Variants in MYO3A observed in about 807,000 individuals in gnomAD.
The protein encoded by MYO3A is myosin IIIA, also known as myosin-IIIa.
MYO3A carries 180 observed loss-of-function variants against 192.7 expected under a neutral mutation model. The observed-to-expected ratio is 0.93, with a 90% confidence interval of 0.83 to 1.06. MYO3A has a LOEUF of 1.06. MYO3A is among the 50% of genes least tolerant of loss of function. The probability of loss-of-function intolerance (pLI) is 0.00; values close to 1 mark genes in which losing one functional copy is unlikely to be tolerated. For missense variants in MYO3A, 1,896 were observed against 1,905.0 expected (o/e 1.00, Z 0.09); for synonymous variants, 628 against 645.3 (o/e 0.97, Z 0.41).
intron 22 of MYO3A, among the ~76,000 whole-genome samples, chr10:26,146,324 T>A (rs1409683471): frequency 5.3e-5 from 8 of 152,100 alleles, no homozygotes; most frequent in African/African-American, 1.9e-4. Flanking sequence ...AAAATAAAAT[T>A]ACACAGAACT....
At chr10:26,051,322 A>T (rs1457800901) in intron 10 of MYO3A, among the ~76,000 whole-genome samples, 2 of 152,054 alleles carry the variant, frequency 1.3e-5, no homozygotes, top group African/African-American at 4.8e-5. Flanking sequence ...ATTTTTCTGA[A>T]ATAGAAGTCT....
rs569742364 is a variant in MYO3A at position 26,005,547 on chromosome 10, CTTGT to C, written c.508+8294_508+8297del. ...TTGAAGGTTGTGTAAGGGGAATATC[CTTGT>C]TTGTGGCAATTACAAACAAATATAT... On this transcript the variant is annotated intron_variant, in intron 6 of 34. Transcript: ENST00000642920. Among the ~76,000 whole-genome samples, 86 of 152,208 alleles carry C rather than the reference CTTGT, an allele frequency of 5.7e-4. No homozygotes were observed. The South Asian group carries it at 0.017, about 30-fold the overall frequency.
At position 26,070,379 on chromosome 10, in the gene MYO3A, A is replaced by T; in HGVS notation, c.1337A>T (p.Gln446Leu). Reference sequence around the variant, plus strand: ...ACTGAAAATGCTCATCTTTTAGTTCAGCAGCTGACAGTGCTTGGAAAGGTA... The same window carrying T: ...ACTGAAAATGCTCATCTTTTAGTTCTGCAGCTGACAGTGCTTGGAAAGGTA... Reference protein sequence around the residue: ...GKTENAHLLVQQLTVLGKANN... With the variant: ...GKTENAHLLVLQLTVLGKANN... The change falls in exon 14 of 35, where the codon CAG (glutamine) becomes CTG (leucine). Residue 446 changes from glutamine (Q) to leucine (L), a missense_variant. Physicochemically the swap from Gln to Leu is moderately radical, Grantham distance 113 (BLOSUM62 -2). Coordinates refer to ENST00000642920, the MANE Select transcript of MYO3A (RefSeq NM_017433.5). The T allele has an allele frequency of 6.2e-7, 1 of 1,613,164 alleles. No homozygotes were observed. Among genetic ancestry groups the T allele is most frequent in the Non-Finnish European group, 8.5e-7 (1 of 1,179,394 alleles).
At chr10:26,141,462 G>A (rs918056847) in intron 20 of MYO3A, among the ~76,000 whole-genome samples, 2 of 152,004 alleles carry the variant, frequency 1.3e-5, no homozygotes, top group African/African-American at 4.8e-5. Flanking sequence ...TCTTGAATGG[G>A]AGCCCATTGT....
chr10:25,980,018 T>C (rs566912603), intron 4 of MYO3A, among the ~76,000 whole-genome samples: 1 of 152,166 alleles, frequency 6.6e-6, no homozygotes, highest in South Asian at 2.1e-4. Context: ...GGGTGGATCA[T>C]GAGGTCAGGA....
chr10:25,957,095 T>C (rs1042774984), intron 4 of MYO3A, among the ~76,000 whole-genome samples: 3 of 152,196 alleles, frequency 2.0e-5, no homozygotes, highest in Non-Finnish European at 4.4e-5. Flanking sequence ...TATTTCACAA[T>C]GTATATGTAC....
chr10:26,113,253 C>G (rs899599348), intron 17 of MYO3A, among the ~76,000 whole-genome samples: 3 of 152,036 alleles, frequency 2.0e-5, no homozygotes, highest in African/African-American at 7.2e-5. Context: ...GGCGGATTGC[C>G]TGAGCTCAGG....
intron 26 of MYO3A, among the ~76,000 whole-genome samples, chr10:26,160,553 G>C (rs1841435562): frequency 6.6e-6 from 1 of 152,162 alleles, no homozygotes; most frequent in Non-Finnish European, 1.5e-5. Context: ...TCTGTGGCAG[G>C]AGGATCACTT....
chr10:26,140,319 G>T (rs1840074642), intron 20 of MYO3A, among the ~76,000 whole-genome samples: 1 of 152,172 alleles, frequency 6.6e-6, no homozygotes, highest in African/African-American at 2.4e-5. Flanking sequence ...TAAGCTGGTT[G>T]TTTAGGCCAA....
intron 31 of MYO3A, among the ~76,000 whole-genome samples, chr10:26,192,557 T>A (rs1156274864): frequency 6.6e-6 from 1 of 152,074 alleles, no homozygotes; most frequent in Non-Finnish European, 1.5e-5. Flanking sequence ...CCTGACCTTA[T>A]CCATCCTCTG....
intron 21 of MYO3A, among the ~76,000 whole-genome samples, chr10:26,145,163 G>A (rs920187540): frequency 2.0e-4 from 24 of 122,628 alleles, no homozygotes; most frequent in Non-Finnish European, 2.8e-4. Flanking sequence ...TGGGCAACAA[G>A]AACGAAACTC....
intron 10 of MYO3A, among the ~76,000 whole-genome samples, chr10:26,043,703 C>A (rs1220728987): frequency 6.6e-6 from 1 of 152,150 alleles, no homozygotes; most frequent in Admixed American, 6.5e-5. Context: ...TGTGACTTAG[C>A]CTTCAGGGCA....
chr10:25,936,401 T>C (rs1402554796), intron 2 of MYO3A, among the ~76,000 whole-genome samples: 1 of 152,186 alleles, frequency 6.6e-6, no homozygotes, highest in Non-Finnish European at 1.5e-5. Context: ...GTTTGTAAAA[T>C]GTTTATTATG....
At chr10:25,940,163 T>A (rs1367653914) in intron 2 of MYO3A, among the ~76,000 whole-genome samples, 2 of 152,084 alleles carry the variant, frequency 1.3e-5, no homozygotes, top group Non-Finnish European at 2.9e-5. Context: ...GTAGTCCAGT[T>A]ATAATTATTG....
At chr10:26,072,489 G>A (rs1835268225) in intron 14 of MYO3A, among the ~76,000 whole-genome samples, 2 of 152,164 alleles carry the variant, frequency 1.3e-5, no homozygotes, top group Admixed American at 1.3e-4. Context: ...ATGTAAGAAT[G>A]TGTAAGAACA....
intron 15 of MYO3A, among the ~76,000 whole-genome samples, chr10:26,094,986 A>T (rs1430063077): frequency 6.6e-6 from 1 of 152,166 alleles, no homozygotes; most frequent in Non-Finnish European, 1.5e-5. Context: ...AAAGTATTTC[A>T]TTGGCCCCCT....
chr10:26,000,640 A>G (rs1228248077), intron 6 of MYO3A, among the ~76,000 whole-genome samples: 3 of 149,730 alleles, frequency 2.0e-5, no homozygotes, highest in Non-Finnish European at 4.5e-5. Context: ...GTCATTGTGG[A>G]AAGATCAAAC....
chr10:26,076,860 A>AT (rs1167093854), intron 14 of MYO3A, among the ~76,000 whole-genome samples: 1 of 151,938 alleles, frequency 6.6e-6, no homozygotes, highest in Non-Finnish European at 1.5e-5. Context: ...CTATGTGTCT[A>AT]TTTTTATACG....
intron 6 of MYO3A, among the ~76,000 whole-genome samples, chr10:26,010,723 A>G (rs148604254): frequency 1.8e-3 from 272 of 152,226 alleles, no homozygotes; most frequent in African/African-American, 6.4e-3. Flanking sequence ...CAGCCTCCCA[A>G]AGTGCTGGGA....
Sources: allele counts gnomAD v4.1 joint callset (sites outside exome capture counted in the v4.1 genomes callset), GRCh38; gene constraint gnomAD v4.1.1; transcripts MANE v1.5; gene names NCBI Gene and HGNC (gene_info 2026-07-23, HGNC 2026-07-21).